Variants in OTOG observed in about 807,000 individuals in gnomAD.
OTOG encodes the protein otogelin.
Under a neutral mutation model 313.8 loss-of-function variants are expected in OTOG, and 296 were observed. The observed-to-expected ratio is 0.94, with a 90% CI of 0.86 to 1.04. The LOEUF (loss-of-function observed/expected upper bound fraction) is 1.04, where lower values mean the gene tolerates loss of function less well. Among genes scored for constraint, OTOG ranks in the 50% least tolerant of loss-of-function variants. OTOG has a pLI of 0.00. For missense variants in OTOG, 3,948 were observed against 3,840.1 expected (o/e 1.03, Z -0.74); for synonymous variants, 1,533 against 1,554.9 (o/e 0.99, Z 0.33).
At chr11:17,630,866 A>C (rs1854105781) in intron 40 of OTOG, among the ~76,000 whole-genome samples, 1 of 152,258 alleles carries the variant, frequency 6.6e-6, no homozygotes, top group Non-Finnish European at 1.5e-5. Flanking sequence ...TTTAGGTCAC[A>C]TTAAAAGCTA....
At position 17,643,507 on chromosome 11, in the gene OTOG, G is replaced by A. The variant is rs1203716826; in HGVS notation, c.8461+1G>A. 1.4e-6 allele frequency: 2 copies of A among 1,450,194 alleles called. No homozygotes were observed. The highest frequency in any genetic ancestry group is 1.8e-6 in the Non-Finnish European group (2 of 1,095,584). The allele number at this position is 1,450,194 out of a possible 1,614,324, so 89.8% of individuals were successfully genotyped here. A position where few individuals can be genotyped will look rare whatever the true frequency, so the allele number is the denominator to read the frequency against. On this transcript the variant is annotated splice_donor_variant, in intron 54 of 55. Coordinates refer to ENST00000399397, the MANE Select transcript of OTOG (RefSeq NM_001292063.2). LOFTEE classifies it high-confidence loss of function. Reference sequence around the variant, plus strand: ...TCCTTGGAAGGATGCTGCAGGACCTGTGAGTGAGCATGGTGGGGGCCCAGG... The same window carrying A: ...TCCTTGGAAGGATGCTGCAGGACCTATGAGTGAGCATGGTGGGGGCCCAGG...
Position 17,596,032 on chromosome 11 carries a change from C to G in OTOG, c.3409-6C>G. 9.0e-6 allele frequency: 14 copies of G among 1,547,986 alleles called. No individual in the cohort carries two copies. Among genetic ancestry groups the G allele is most frequent in the Non-Finnish European group, 1.2e-5 (14 of 1,144,506 alleles). On this transcript the variant is annotated splice_polypyrimidine_tract_variant and splice_region_variant and intron_variant, in intron 28 of 55. Transcript: ENST00000399397. The stretch of plus-strand genomic sequence containing the variant: ...GGAGGTCAACAGCCCTGCCTTTGCC[C>G]CTCAGTGCCCAGACACCCTCGATCC...
At chr11:17,593,062 A>G in intron 25 of OTOG, 131 bp from the exon 26 acceptor site, 1 of 964,648 alleles carries the variant, frequency 1.0e-6, no homozygotes, top group Middle Eastern at 3.2e-4. Flanking sequence ...GCCCAAAGTC[A>G]CACAGCTCAG....
chr11:17,594,777 T>C (rs779701753), intron 28 of OTOG, among the ~76,000 whole-genome samples: 1 of 152,176 alleles, frequency 6.6e-6, no homozygotes, highest in Non-Finnish European at 1.5e-5. Context: ...TCTTGGGTCA[T>C]CCATTGACTT....
At chr11:17,576,300 G>A (rs750151869) in intron 20 of OTOG, among the ~76,000 whole-genome samples, 5 of 152,200 alleles carry the variant, frequency 3.3e-5, no homozygotes, top group Non-Finnish European at 5.9e-5. Flanking sequence ...CTGGCTGCAG[G>A]AGTGTGTGGA....
At chr11:17,603,975 G>A (rs1408766800) in intron 32 of OTOG, among the ~76,000 whole-genome samples, 1 of 152,170 alleles carries the variant, frequency 6.6e-6, no homozygotes, top group Non-Finnish European at 1.5e-5. Flanking sequence ...AGCGCTTCAT[G>A]TATAGCAACT....
intron 30 of OTOG, among the ~76,000 whole-genome samples, 197 bp downstream of exon 30, chr11:17,597,204 G>A (rs973881590): frequency 6.6e-6 from 1 of 151,684 alleles, no homozygotes; most frequent in Non-Finnish European, 1.5e-5. Context: ...TTTTACAGTT[G>A]AAGAAACAGC....
chr11:17,552,620 C>T (rs1214986335), intron 4 of OTOG, among the ~76,000 whole-genome samples: 1 of 152,096 alleles, frequency 6.6e-6, no homozygotes, highest in East Asian at 1.9e-4. Context: ...TGTCCTCTCA[C>T]ATCATGGCTC....
At chr11:17,593,906 A>T in intron 27 of OTOG, 141 bp from the exon 28 acceptor site, 1 of 1,396,622 alleles carries the variant, frequency 7.2e-7, no homozygotes, top group South Asian at 1.4e-5. Context: ...CTCCTCTGAC[A>T]TTGCTCCATC....
intron 23 of OTOG, among the ~76,000 whole-genome samples, chr11:17,581,702 A>AT (rs1274989360): frequency 6.6e-6 from 1 of 152,206 alleles, no homozygotes; most frequent in East Asian, 1.9e-4. Flanking sequence ...ACCTGCTTGT[A>AT]ACCCACACTC....
intron 41 of OTOG, 70 bp from the exon 42 acceptor site, chr11:17,632,018 G>A: frequency 1.3e-6 from 2 of 1,541,064 alleles, no homozygotes; most frequent in South Asian, 1.2e-5. Flanking sequence ...TTTTGGGCAG[G>A]GAGGGGAGGA....
At chr11:17,589,604 C>T (rs1852883017) in intron 24 of OTOG, among the ~76,000 whole-genome samples, 1 of 152,188 alleles carries the variant, frequency 6.6e-6, no homozygotes, top group African/African-American at 2.4e-5. Flanking sequence ...ATCCCTATTG[C>T]ATAAAAATAT....
At chr11:17,568,121 A>G (rs1852327926) in intron 15 of OTOG, among the ~76,000 whole-genome samples, 1 of 151,706 alleles carries the variant, frequency 6.6e-6, no homozygotes. Context: ...GTCAGCCAGG[A>G]TGGTCTCGAT....
At chr11:17,617,484 T>C (rs1853749215) in intron 39 of OTOG, among the ~76,000 whole-genome samples, 2 of 152,232 alleles carry the variant, frequency 1.3e-5, no homozygotes, top group African/African-American at 4.8e-5. Flanking sequence ...ATTTCTTTAG[T>C]AGGTGTAGAG....
At position 17,574,809 on chromosome 11, in the gene OTOG, G is replaced by A; in HGVS notation, c.2383G>A (p.Gly795Arg). ...CQDLASPEACGVDGGDDLSRD... is the reference protein window; with the variant it reads ...CQDLASPEACRVDGGDDLSRD... ...GGACCTGGCCAGCCCTGAGGCCTGTGGGGTTGATGGTGGCGATGACCTGAG... is the reference window on the plus strand; with the variant it reads ...GGACCTGGCCAGCCCTGAGGCCTGTAGGGTTGATGGTGGCGATGACCTGAG... The change falls in exon 20 of 56, where the codon GGG (glycine) becomes AGG (arginine). Residue 795 changes from glycine to arginine, a missense_variant. By Grantham distance (125) the Gly-to-Arg change is moderately radical (BLOSUM62 -2). Transcript: ENST00000399397. The A allele has an allele frequency of 3.2e-6, 5 of 1,550,598 alleles. No homozygotes were observed. The highest frequency in any genetic ancestry group is 4.4e-6 in the Non-Finnish European group (5 of 1,146,948).
chr11:17,633,803 G>C lies in OTOG; in HGVS notation c.7196G>C (p.Gly2399Ala). The change falls in exon 43 of 56, where the codon GGC (glycine) becomes GCC (alanine). Residue 2399 changes from glycine (G) to alanine (A), a missense_variant. Coordinates refer to ENST00000399397, the MANE Select transcript of OTOG (RefSeq NM_001292063.2). ...DPEHCQVLGE[G>A]CVCSEGTILH... ...GAGCACTGCCAGGTGCTGGGCGAGG[G>C]CTGCGTCTGCTCCGAGGGCACCATC... 3 of 1,550,358 alleles carry C rather than the reference G, an allele frequency of 1.9e-6. No homozygotes were observed.
rs2355467 is a variant in OTOG at position 17,578,712 on chromosome 11, G to A, written c.2759+186G>A. Among the ~76,000 whole-genome samples, 57,413 of 149,864 alleles carry A rather than the reference G, an allele frequency of 0.38. 11,283 individuals are homozygous for A. The highest frequency in any genetic ancestry group is 0.43 in the Non-Finnish European group (29,328 of 67,902). ...AGAGGAGAGGCTGGGGATCCAGCCT[G>A]GAGTGTGGGCTGGAGGAGGGAGAGC... On this transcript the variant is annotated intron_variant, in intron 23 of 55. Transcript: ENST00000399397.
At position 17,555,876 on chromosome 11, in the gene OTOG, AGGTCACCCATGG is replaced by A; in HGVS notation, c.639_650del (p.Val214_Gly217del). On this transcript the variant is annotated inframe_deletion, in exon 7 of 56. Transcript: ENST00000399397. ...GAGCAGGAGATCCATCTGGCCAAGG[AGGTCACCCATGG>A]AGGCATGAGGTAACTCTAACACCTT... 6.4e-7 allele frequency: 1 copy of A among 1,551,078 alleles called. No homozygotes were observed. The highest frequency in any genetic ancestry group is 8.7e-7 in the Non-Finnish European group (1 of 1,147,078).
chr11:17,576,967 G>C (rs1428240196), intron 22 of OTOG, 56 bp downstream of exon 22: 16 of 1,511,886 alleles, frequency 1.1e-5, no homozygotes, highest in Non-Finnish European at 1.4e-5. Flanking sequence ...GTAAAGGAGA[G>C]TGGGGAGTGG....
Sources: gnomAD v4.1 joint callset for allele counts (sites outside exome capture counted in the v4.1 genomes callset) on GRCh38, gnomAD v4.1.1 for gene constraint, MANE v1.5 for transcripts, NCBI Gene and HGNC (gene_info 2026-07-23, HGNC 2026-07-21) for gene names.